The following BCL11B variants were observed in gnomAD, a reference collection of about 807,000 sequenced individuals.
BCL11B encodes the protein B-cell lymphoma/leukemia 11B.
In BCL11B, 8 loss-of-function variants were observed where a neutral mutation model predicts 49.9. That is an observed-to-expected ratio of 0.16 (90% CI 0.09 to 0.29). The LOEUF is 0.29. Among genes scored for constraint, BCL11B ranks in the 10% least tolerant of loss-of-function variants. BCL11B has a pLI of 1.00. For synonymous variants in BCL11B, 739 were observed against 637.4 expected, an observed-to-expected ratio of 1.16 and a Z score of -2.40; for missense variants, 1,006 against 1,351.0, an observed-to-expected ratio of 0.74 and a Z score of 4.00.
intron 3 of BCL11B, among the ~76,000 whole-genome samples, chr14:99,225,802 G>A (rs1235271368): frequency 6.6e-6 from 1 of 152,178 alleles, no homozygotes; most frequent in Non-Finnish European, 1.5e-5. Flanking sequence ...AGAGTGAAAT[G>A]GAATCTGGCG....
chr14:99,246,821 G>A (rs1888857697), intron 2 of BCL11B, among the ~76,000 whole-genome samples: 1 of 152,154 alleles, frequency 6.6e-6, no homozygotes, highest in South Asian at 2.1e-4. Context: ...GAGGGGAGGA[G>A]GCCAAGCTTG....
rs1886465012 is a variant in BCL11B at position 99,175,302 on chromosome 14, C to A, written c.1534G>T (p.Ala512Ser). 6.5e-7 allele frequency: 1 copy of A among 1,540,814 alleles called. No individual in the cohort carries two copies. Among genetic ancestry groups the A allele is most frequent in the Non-Finnish European group, 8.7e-7 (1 of 1,148,458 alleles). ...TSELAGEGLK[A>S]ADGDFRHHES... ...TGGTGGCGGAAGTCACCGTCGGCCG[C>A]CTTGAGGCCCTCGCCCGCCAGCTCG... is the stretch of plus-strand genomic sequence containing the variant. The change falls in exon 4 of 4, where the codon GCG (alanine) becomes TCG (serine). Residue 512 changes from alanine (A) to serine (S), a missense_variant. Transcript: ENST00000357195.
At chr14:99,176,274 C>T in intron 3 of BCL11B, 79 bp from the exon 4 acceptor site, 1 of 1,335,806 alleles carries the variant, frequency 7.5e-7, no homozygotes, top group Non-Finnish European at 1.0e-6. Context: ...GGCCACTGGC[C>T]TGGGGGACGC....
intron 3 of BCL11B, among the ~76,000 whole-genome samples, chr14:99,216,972 A>G (rs917016652): frequency 3.3e-5 from 5 of 152,106 alleles, no homozygotes; most frequent in African/African-American, 4.8e-5. Context: ...ACGTGTGTGC[A>G]TACACACAAA....
rs1440517584 is a variant in BCL11B at position 99,257,245 on chromosome 14, C to T, written c.427+226G>A. On this transcript the variant is annotated intron_variant, in intron 2 of 3. Coordinates refer to ENST00000357195, the MANE Select transcript of BCL11B (RefSeq NM_138576.4). The surrounding 1 kb of genome is among the most constrained non-coding windows in gnomAD (Gnocchi z 6.2). ...AGCCCCCGAGACAGAGTCCCCTCAC[C>T]AAAAGCAAGCAGCCATCAGCCATTT... 6.6e-6 allele frequency among the ~76,000 whole-genome samples: 1 copy of T among 152,146 alleles called. No individual in the cohort carries two copies. Among genetic ancestry groups the T allele is most frequent in the Admixed American group, 6.5e-5 (1 of 15,280 alleles).
chr14:99,267,552 C>CCCA (rs1555385128), intron 1 of BCL11B, among the ~76,000 whole-genome samples: 2 of 146,990 alleles, frequency 1.4e-5, no homozygotes, highest in Non-Finnish European at 3.0e-5. Flanking sequence ...TCACCCCCCC[C>CCCA]CCACCAACTA....
At position 99,174,734 on chromosome 14, in the gene BCL11B, A is replaced by G; in HGVS notation, c.2102T>C (p.Leu701Pro). The G allele has an allele frequency of 6.5e-7, 1 of 1,537,784 alleles. No individual in the cohort carries two copies. The highest frequency in any genetic ancestry group is 8.8e-7 in the Non-Finnish European group (1 of 1,142,650). ...CGAGTACACGTTCTCGGACGGGATG[A>G]GCGCGGCGGGCGGCAGCTCCAGGTC... ...EKDLELPPAALIPSENVYSQW... is the reference protein window; with the variant it reads ...EKDLELPPAAPIPSENVYSQW... The change falls in exon 4 of 4, where the codon CTC (leucine) becomes CCC (proline). Residue 701 changes from leucine to proline, a missense_variant. Leu to Pro is a moderately conservative substitution (Grantham distance 98, BLOSUM62 -3). Transcript: ENST00000357195.
At position 99,241,943 on chromosome 14, in the gene BCL11B, G is replaced by A. The variant is rs1467328423; in HGVS notation, c.428-10386C>T. 1.3e-5 allele frequency among the ~76,000 whole-genome samples: 2 copies of A among 152,124 alleles called. No homozygotes were observed. Among genetic ancestry groups the A allele is most frequent in the East Asian group, 1.9e-4 (1 of 5,188 alleles). On this transcript the variant is annotated intron_variant, in intron 2 of 3. Coordinates refer to ENST00000357195, the MANE Select transcript of BCL11B (RefSeq NM_138576.4). This position sits in a 1 kb window ranked among gnomAD's most constrained non-coding sequence, Gnocchi z 4.4. ...CAACAGATTTTTCACTACCGAAGAC[G>A]CCAAGCGTAAACATGATTTATTTAG...
intron 3 of BCL11B, among the ~76,000 whole-genome samples, chr14:99,217,403 C>CACACACACACACAA: frequency 2.1e-5 from 1 of 48,684 alleles, no homozygotes; most frequent in South Asian, 4.3e-4. Context: ...CACACACACA[C>CACACACACACACAA]ACACACACAC....
At chr14:99,265,986 T>C (rs1031070630) in intron 1 of BCL11B, among the ~76,000 whole-genome samples, 2 of 152,188 alleles carry the variant, frequency 1.3e-5, no homozygotes, top group Admixed American at 1.3e-4. Flanking sequence ...AGCACATATA[T>C]TCCCCATCAC....
At chr14:99,267,956 T>A (rs922891340) in intron 1 of BCL11B, among the ~76,000 whole-genome samples, 1 of 152,196 alleles carries the variant, frequency 6.6e-6, no homozygotes, top group Non-Finnish European at 1.5e-5. Flanking sequence ...ATTTAAGTAC[T>A]CTTCCCTTCA....
At chr14:99,180,338 G>A (rs377187569) in intron 3 of BCL11B, among the ~76,000 whole-genome samples, 1 of 152,160 alleles carries the variant, frequency 6.6e-6, no homozygotes, top group Non-Finnish European at 1.5e-5. Flanking sequence ...CCAGGGCCTC[G>A]TCTTCCCTTG....
intron 2 of BCL11B, among the ~76,000 whole-genome samples, chr14:99,255,420 A>C (rs1889130955): frequency 6.7e-6 from 1 of 149,910 alleles, no homozygotes; most frequent in Admixed American, 6.6e-5. Context: ...AAAAAAAAAA[A>C]AAAAAAAAAA....
At chr14:99,265,090 A>T (rs1889443416) in intron 1 of BCL11B, among the ~76,000 whole-genome samples, 1 of 152,124 alleles carries the variant, frequency 6.6e-6, no homozygotes, top group South Asian at 2.1e-4. Flanking sequence ...CTCAGGCCAA[A>T]TGGCCTGAGT....
intron 2 of BCL11B, among the ~76,000 whole-genome samples, chr14:99,239,703 C>A (rs1888607181): frequency 6.6e-6 from 1 of 152,172 alleles, no homozygotes; most frequent in Non-Finnish European, 1.5e-5. Flanking sequence ...ACCCGGAAAA[C>A]ACTGAATCCT....
Position 99,231,309 on chromosome 14 carries a change from C to A in BCL11B, c.640+36G>T. 2 of 1,595,582 alleles carry A rather than the reference C, an allele frequency of 1.3e-6. No homozygotes were observed. Among genetic ancestry groups the A allele is most frequent in the African/African-American group, 1.3e-5 (1 of 74,532 alleles). ...CTGCCCATGGCACACCCCGCCATCC[C>A]GGGGGCCCGCCCCCCACCGCGGCGT... is the stretch of plus-strand genomic sequence containing the variant. On this transcript the variant is annotated intron_variant, in intron 3 of 3. Coordinates refer to ENST00000357195, the MANE Select transcript of BCL11B (RefSeq NM_138576.4). This position sits in a 1 kb window ranked among gnomAD's most constrained non-coding sequence, Gnocchi z 8.1.
In BCL11B at chr14:99,175,021, G is replaced by A. The variant is rs1480252161; in HGVS notation, c.1815C>T (p.Gly605=). 1.8e-5 allele frequency: 29 copies of A among 1,594,476 alleles called. No homozygotes were observed. Among genetic ancestry groups the A allele is most frequent in the African/African-American group, 2.7e-5 (2 of 74,470 alleles). ...GGAGCTCGCCGTACTGCGGCAGTGC[G>A]CCTAGGCCCACGTTCTCCATGACCT... ...LGKVMENVGL[G]ALPQYGELLA... Residue 605 remains glycine, a synonymous_variant, in exon 4 of 4, where the codon GGC becomes GGT. Coordinates refer to ENST00000357195, the MANE Select transcript of BCL11B (RefSeq NM_138576.4).
chr14:99,186,474 C>A (rs961611983), intron 3 of BCL11B, among the ~76,000 whole-genome samples: 2 of 152,064 alleles, frequency 1.3e-5, no homozygotes, highest in Admixed American at 6.5e-5. Context: ...GAGCCGAGGT[C>A]GCACCACTGC....
chr14:99,214,326 G>GA (rs761872958), intron 3 of BCL11B, among the ~76,000 whole-genome samples: 17 of 152,174 alleles, frequency 1.1e-4, no homozygotes, highest in Non-Finnish European at 1.9e-4. Context: ...GCCGAAGAGA[G>GA]AGGATCATTT....
Sources: gnomAD v4.1 joint callset for allele counts (sites outside exome capture counted in the v4.1 genomes callset) on GRCh38, gnomAD v4.1.1 for gene constraint, Gnocchi (gnomAD v3.1) non-coding constraint, MANE v1.5 for transcripts, NCBI Gene and HGNC (gene_info 2026-07-23, HGNC 2026-07-21) for gene names.